Variants in PLXNB1 observed in about 807,000 individuals in gnomAD.
PLXNB1 encodes plexin B1, also known as plexin-B1.
PLXNB1 carries 106 observed loss-of-function variants against 209.4 expected under a neutral mutation model. The ratio of observed to expected loss-of-function variants is 0.51; its 90% CI spans 0.43 to 0.59. The LOEUF is 0.59. Among genes scored for constraint, PLXNB1 ranks in the 20% least tolerant of loss-of-function variants. The probability of loss-of-function intolerance (pLI) is 0.00; values close to 1 mark genes in which losing one functional copy is unlikely to be tolerated. For missense variants in PLXNB1, 2,357 were observed against 2,853.2 expected (o/e 0.83, Z 3.96); for synonymous variants, 1,167 against 1,183.2 (o/e 0.99, Z 0.28).
In PLXNB1 at chr3:48,429,169, C is replaced by G. The variant is rs1361023056; in HGVS notation, c.-60+839G>C. The G allele has an allele frequency of 6.6e-6, 1 of 152,248 alleles. No homozygotes were observed. Among genetic ancestry groups the G allele is most frequent in the East Asian group, 1.9e-4 (1 of 5,176 alleles). 9.4% of individuals were successfully genotyped at this position (152,248 alleles called of 1,614,324 possible). On this transcript the variant is annotated intron_variant, in intron 1 of 37. Coordinates refer to ENST00000296440, the MANE Select transcript of PLXNB1 (RefSeq NM_001130082.3). This position sits in a 1 kb window ranked among gnomAD's most constrained non-coding sequence, Gnocchi z 6.4. ...CCGCCCACCACTCACCCAGGCCGCC[C>G]CTGCCCGGCGGGATCGGGGCCCCGG... is the stretch of plus-strand genomic sequence containing the variant.
At chr3:48,421,031 C>T in intron 8 of PLXNB1, 75 bp from the exon 9 acceptor site, 1 of 1,378,104 alleles carries the variant, frequency 7.3e-7, no homozygotes, top group South Asian at 1.2e-5. Context: ...ATCCTGAGCC[C>T]TTGAATGGGG....
rs757110127 is a variant in PLXNB1, at chr3:48,409,999, G to A, written c.5684C>T (p.Pro1895Leu). 8 of 1,612,590 alleles carry A rather than the reference G, an allele frequency of 5.0e-6. No homozygotes were observed. Among genetic ancestry groups the A allele is most frequent in the African/African-American group, 4.0e-5 (3 of 74,938 alleles). ...HLVKPSDEPEPPRPRRGSLRG... is the reference protein window; with the variant it reads ...HLVKPSDEPELPRPRRGSLRG... ...AAGGCTGCCCCTCCGAGGCCTGGGC[G>A]GCTCCGGCTCATCACTTGGCTTCAC... Residue 1895 changes from proline to leucine, a missense_variant, in exon 32 of 38, where the codon CCG becomes CTG. Pro to Leu is a moderately conservative substitution (Grantham distance 98). This residue lies in a region of PLXNB1 where 414 missense variants were observed against 520.5 expected (regional missense o/e 0.80). Coordinates refer to ENST00000296440, the MANE Select transcript of PLXNB1 (RefSeq NM_001130082.3). The surrounding 1 kb of genome is among the most constrained non-coding windows in gnomAD (Gnocchi z 5.8).
Position 48,415,840 on chromosome 3 carries a change from A to T in PLXNB1, c.3618-81T>A. Reference sequence around the variant, plus strand: ...CTCAGGCCCCAACTGGCTTCCCTCAAGCGCTGACTGCAGTCTCCACCAGGT... The same window carrying T: ...CTCAGGCCCCAACTGGCTTCCCTCATGCGCTGACTGCAGTCTCCACCAGGT... On this transcript the variant is annotated intron_variant, in intron 18 of 37. Coordinates refer to ENST00000296440, the MANE Select transcript of PLXNB1 (RefSeq NM_001130082.3). The surrounding 1 kb of genome is among the most constrained non-coding windows in gnomAD (Gnocchi z 5.0). 7.1e-7 allele frequency: 1 copy of T among 1,414,742 alleles called. No individual in the cohort carries two copies. 87.6% of individuals were successfully genotyped at this position (1,414,742 alleles called of 1,614,324 possible). A position where few individuals can be genotyped will look rare whatever the true frequency, so the allele number is the denominator to read the frequency against.
In PLXNB1 at chr3:48,409,311, C is replaced by T. The variant is rs755662107; in HGVS notation, c.6087+18G>A. On this transcript the variant is annotated intron_variant, in intron 34 of 37. Transcript: ENST00000296440. The surrounding 1 kb of genome is among the most constrained non-coding windows in gnomAD (Gnocchi z 5.8). ...CCACCCTCACCCATCCCCCCGTGTC[C>T]ATCCCAGACTCGCTCACCCGGCCCA... 1.5e-5 allele frequency: 25 copies of T among 1,613,570 alleles called. No individual in the cohort carries two copies. The highest frequency in any genetic ancestry group is 1.4e-5 in the Non-Finnish European group (17 of 1,179,744).
In PLXNB1 at chr3:48,423,519, C is replaced by T; in HGVS notation, c.1093G>A (p.Ala365Thr). The T allele has an allele frequency of 6.2e-7, 1 of 1,613,154 alleles. No individual in the cohort carries two copies. Among genetic ancestry groups the T allele is most frequent in the Non-Finnish European group, 8.5e-7 (1 of 1,179,186 alleles). Residue 365 changes from alanine to threonine, a missense_variant, in exon 3 of 38, where the codon GCA (alanine) becomes ACA (threonine). Ala to Thr is a moderately conservative substitution (Grantham distance 58). Coordinates refer to ENST00000296440, the MANE Select transcript of PLXNB1 (RefSeq NM_001130082.3). ...YIEYDVNSDCAQLPVDTLDAY... is the reference protein window; with the variant it reads ...YIEYDVNSDCTQLPVDTLDAY... ...CTGGAACTCACCACTGGCAGCTGTG[C>T]ACAGTCAGAATTGACATCATACTCG... is the stretch of plus-strand genomic sequence containing the variant.
Position 48,416,561 on chromosome 3 carries a change from G to A in PLXNB1, c.3375-110C>T. 1.5e-6 allele frequency: 1 copy of A among 649,264 alleles called. No homozygotes were observed. Among genetic ancestry groups the A allele is most frequent in the Non-Finnish European group, 2.7e-6 (1 of 376,022 alleles). 40.2% of individuals were successfully genotyped at this position (649,264 alleles called of 1,614,324 possible). ...TGTCAGGTGGTCTTCCCCTTCCCAT[G>A]CTCCATAAGATTGACAGAGACCCTC... On this transcript the variant is annotated intron_variant, in intron 16 of 37. Coordinates refer to ENST00000296440, the MANE Select transcript of PLXNB1 (RefSeq NM_001130082.3). This position sits in a 1 kb window ranked among gnomAD's most constrained non-coding sequence, Gnocchi z 4.1.
At position 48,422,191 on chromosome 3, in the gene PLXNB1, A is replaced by G. The variant is rs748633240; in HGVS notation, c.1434T>C (p.Pro478=). The change falls in exon 6 of 38, where the codon CCT becomes CCC. Residue 478 remains proline, a synonymous_variant. Coordinates refer to ENST00000296440, the MANE Select transcript of PLXNB1 (RefSeq NM_001130082.3). ...CCAGGTGCTGAGCACAGGAAGCCAC[A>G]GGAACCTTCAGAAGCTGAGACAGCA... is the stretch of plus-strand genomic sequence containing the variant. ...VMTQSTLLKV[P]VASCAQHLDC... 3.1e-6 allele frequency: 5 copies of G among 1,614,074 alleles called. 1 individual carries two copies. In the South Asian group the frequency reaches 5.5e-5, roughly 18 times the overall value.
rs754903218 is a variant in PLXNB1, at chr3:48,424,184, A to G, written c.428T>C (p.Val143Ala). The change falls in exon 3 of 38, where the codon GTG becomes GCG. Residue 143 changes from valine to alanine, a missense_variant. Around this residue, in one of 7 missense-constraint regions of PLXNB1, gnomAD observed 404 missense variants for 443.6 expected, o/e 0.91. Transcript: ENST00000296440. Reference protein sequence around the residue: ...RPERPGDTQYVAANDPAVSTV... With the variant: ...RPERPGDTQYAAANDPAVSTV... Reference sequence around the variant, plus strand: ...GCTGACCGCAGGATCATTGGCAGCCACATATTGTGTGTCCCCAGGCCGCTC... The same window carrying G: ...GCTGACCGCAGGATCATTGGCAGCCGCATATTGTGTGTCCCCAGGCCGCTC... 1.3e-6 allele frequency: 2 copies of G among 1,587,438 alleles called. No homozygotes were observed. Among genetic ancestry groups the G allele is most frequent in the East Asian group, 2.3e-5 (1 of 44,256 alleles).
chr3:48,419,120 A>T lies in PLXNB1; in HGVS notation c.2833-81T>A. 6.3e-7 allele frequency: 1 copy of T among 1,585,870 alleles called. No homozygotes were observed. The highest frequency in any genetic ancestry group is 8.6e-7 in the Non-Finnish European group (1 of 1,161,200). On this transcript the variant is annotated intron_variant, in intron 12 of 37. Coordinates refer to ENST00000296440, the MANE Select transcript of PLXNB1 (RefSeq NM_001130082.3). The surrounding 1 kb of genome is among the most constrained non-coding windows in gnomAD (Gnocchi z 5.7). ...CTGCAGGTCACCCAACAGATCCCCC[A>T]GCACAGCTTCTGGGTTGGAGTTGAG... is the stretch of plus-strand genomic sequence containing the variant.
At chr3:48,426,915 C>G (rs1156347443) in intron 1 of PLXNB1, among the ~76,000 whole-genome samples, 1 of 152,140 alleles carries the variant, frequency 6.6e-6, no homozygotes, top group Non-Finnish European at 1.5e-5. Flanking sequence ...CATGGGAAGA[C>G]AGAGTCCACC....
chr3:48,418,116 C>T lies in PLXNB1; in HGVS notation c.3223-54G>A, dbSNP rs2038220154. ...TACTCAACTGGAAAGGCAGCCCCAA[C>T]CTCCCACCTTTGGGCCCCCACACCC... On this transcript the variant is annotated intron_variant, in intron 15 of 37. Coordinates refer to ENST00000296440, the MANE Select transcript of PLXNB1 (RefSeq NM_001130082.3). This position sits in a 1 kb window ranked among gnomAD's most constrained non-coding sequence, Gnocchi z 6.6. 7 of 1,607,438 alleles carry T rather than the reference C, an allele frequency of 4.4e-6. No individual in the cohort carries two copies. The East Asian group carries it at 8.9e-5, about 21-fold the overall frequency.
chr3:48,425,892 A>G (rs2038866475), intron 1 of PLXNB1, among the ~76,000 whole-genome samples: 1 of 152,080 alleles, frequency 6.6e-6, no homozygotes, highest in Non-Finnish European at 1.5e-5. Context: ...ACACACAGAC[A>G]CAGCCACCCA....
rs764316128 is a variant in PLXNB1, at chr3:48,421,358, T to A, written c.1680A>T (p.Pro560=). Reference sequence around the variant, plus strand: ...AATATGACTCCCCTGGCCACAGGGGTGGCAGGTCTGGCACTGATAGGAAAA... The same window carrying A: ...AATATGACTCCCCTGGCCACAGGGGAGGCAGGTCTGGCACTGATAGGAAAA... ...REVFLSVPDL[P]PLWPGESYSC... The change falls in exon 8 of 38, where the codon CCA becomes CCT. Residue 560 remains proline, a synonymous_variant. Transcript: ENST00000296440. 16 of 1,555,070 alleles carry A rather than the reference T, an allele frequency of 1.0e-5. No individual in the cohort carries two copies. The highest frequency in any genetic ancestry group is 3.4e-4 in the Middle Eastern group (2 of 5,798).
chr3:48,421,809 G>C lies in PLXNB1; in HGVS notation c.1521-3C>G. Reference sequence around the variant, plus strand: ...AGCACTCAGAACGGCGACTGCACCTGGGCGAGATGACCAGTGTCTATCTGT... The same window carrying C: ...AGCACTCAGAACGGCGACTGCACCTCGGCGAGATGACCAGTGTCTATCTGT... On this transcript the variant is annotated splice_polypyrimidine_tract_variant and splice_region_variant and intron_variant, in intron 6 of 37. Coordinates refer to ENST00000296440, the MANE Select transcript of PLXNB1 (RefSeq NM_001130082.3). 2 of 1,595,204 alleles carry C rather than the reference G, an allele frequency of 1.3e-6. No individual in the cohort carries two copies. Among genetic ancestry groups the C allele is most frequent in the Non-Finnish European group, 1.7e-6 (2 of 1,165,650 alleles).
Position 48,418,092 on chromosome 3 carries a change from A to T in PLXNB1, c.3223-30T>A. 3 of 1,608,538 alleles carry T rather than the reference A, an allele frequency of 1.9e-6. No individual in the cohort carries two copies. Among genetic ancestry groups the T allele is most frequent in the Non-Finnish European group, 2.5e-6 (3 of 1,176,596 alleles). ...TCCAGGACAAGGACTGCTCACCTCT[A>T]CTCAACTGGAAAGGCAGCCCCAACC... On this transcript the variant is annotated intron_variant, in intron 15 of 37. Transcript: ENST00000296440. The surrounding 1 kb of genome is among the most constrained non-coding windows in gnomAD (Gnocchi z 6.6).
At position 48,404,091 on chromosome 3, in the gene PLXNB1, A is replaced by G; in HGVS notation, c.*395T>C. 1 of 179,954 alleles carries G rather than the reference A, an allele frequency of 5.6e-6. No individual in the cohort carries two copies. The highest frequency in any genetic ancestry group is 1.6e-4 in the East Asian group (1 of 6,396). 11.1% of individuals were successfully genotyped at this position (179,954 alleles called of 1,614,324 possible). ...GCTCAACTGAGGTCAGGGATGGTGGAGGAGGCAGACAGGAAGCATGGGGCT... is the reference window on the plus strand; with the variant it reads ...GCTCAACTGAGGTCAGGGATGGTGGGGGAGGCAGACAGGAAGCATGGGGCT... On this transcript the variant is annotated 3_prime_UTR_variant, in exon 38 of 38. Coordinates refer to ENST00000296440, the MANE Select transcript of PLXNB1 (RefSeq NM_001130082.3).
intron 1 of PLXNB1, among the ~76,000 whole-genome samples, chr3:48,428,141 C>A (rs1259203663): frequency 6.6e-6 from 1 of 152,198 alleles, no homozygotes; most frequent in Non-Finnish European, 1.5e-5. Flanking sequence ...CCATTTCACA[C>A]CCAAGAAAAC....
intron 21 of PLXNB1, 78 bp downstream of exon 21, chr3:48,414,721 C>G: frequency 6.5e-7 from 1 of 1,540,956 alleles, no homozygotes; most frequent in East Asian, 2.3e-5. Flanking sequence ...CTGTCTCGGC[C>G]TCTCCGCCAC....
Position 48,415,519 on chromosome 3 carries a change from C to G in PLXNB1, c.3794+64G>C, listed in dbSNP as rs1473383927. On this transcript the variant is annotated intron_variant, in intron 19 of 37. Transcript: ENST00000296440. This position sits in a 1 kb window ranked among gnomAD's most constrained non-coding sequence, Gnocchi z 5.0. ...CTCAACATAAAGCCCTACAAACCCCCACATAGTGGAGCTGCAAAGACCTCC... is the reference window on the plus strand; with the variant it reads ...CTCAACATAAAGCCCTACAAACCCCGACATAGTGGAGCTGCAAAGACCTCC... 16 of 1,482,888 alleles carry G rather than the reference C, an allele frequency of 1.1e-5. No individual in the cohort carries two copies. In the Admixed American group the frequency reaches 3.3e-4, roughly 30 times the overall value. The allele number at this position is 1,482,888 out of a possible 1,614,324, so 91.9% of individuals were successfully genotyped here. A position where few individuals can be genotyped will look rare whatever the true frequency, so the allele number is the denominator to read the frequency against.
Sources: allele counts gnomAD v4.1 joint callset (sites outside exome capture counted in the v4.1 genomes callset), GRCh38; gene constraint gnomAD v4.1.1; regional missense constraint gnomAD v4.1.1; non-coding constraint Gnocchi (gnomAD v3.1); transcripts MANE v1.5; gene names NCBI Gene and HGNC (gene_info 2026-07-23, HGNC 2026-07-21).